The following COPS8 variants were observed in gnomAD, a reference collection of about 807,000 sequenced individuals.
COPS8 encodes COP9 signalosome complex subunit 8.
In COPS8, 11 loss-of-function variants were observed where a neutral mutation model predicts 31.5. The ratio of observed to expected loss-of-function variants is 0.35; its 90% CI spans 0.22 to 0.58. COPS8 has a LOEUF of 0.58. Ranked by LOEUF, COPS8 falls within the 20% of genes least tolerant of loss-of-function variation. The pLI is 0.83. For missense variants in COPS8, 215 were observed against 255.1 expected (o/e 0.84, Z 1.07); for synonymous variants, 81 against 89.3 (o/e 0.91, Z 0.52).
Position 237,097,801 on chromosome 2 carries a change from A to G in COPS8, c.*59A>G. On this transcript the variant is annotated 3_prime_UTR_variant, in exon 8 of 8. Transcript: ENST00000354371. ...ATCCTGTATACTGACAAACGTAGAA[A>G]TGTAAAGTTTGTATTTTCAATTTAT... 1 of 1,293,626 alleles carries G rather than the reference A, an allele frequency of 7.7e-7. No homozygotes were observed. 80.1% of individuals were successfully genotyped at this position (1,293,626 alleles called of 1,614,324 possible). A position where few individuals can be genotyped will look rare whatever the true frequency, so the allele number is the denominator to read the frequency against.
At chr2:237,092,474 T>C (rs1038564345) in intron 4 of COPS8, among the ~76,000 whole-genome samples, 2 of 152,234 alleles carry the variant, frequency 1.3e-5, no homozygotes, top group Admixed American at 1.3e-4. Context: ...ATATTTGAAC[T>C]GAAGTAAATG....
In COPS8 at chr2:237,094,222, A is replaced by G. The variant is rs545822553; in HGVS notation, c.439+25A>G. The G allele has an allele frequency of 3.9e-5, 62 of 1,603,572 alleles. 2 individuals are homozygous for G. The South Asian group carries it at 6.2e-4, about 16-fold the overall frequency. The stretch of plus-strand genomic sequence containing the variant: ...GGTAATTTTGGCTTACTTTTTACTT[A>G]TAAGGAAAATGGAAAATAGAAGTGT... On this transcript the variant is annotated intron_variant, in intron 5 of 7. Transcript: ENST00000354371.
Position 237,089,945 on chromosome 2 carries a change from C to T in COPS8, c.282C>T (p.Asn94=), listed in dbSNP as rs1416284397. ...TCCCTGGGATCTATACAACCATCAA[C>T]GCTCACCAGTGGTCTGAGACGGTCC... The part of the protein sequence containing the change: ...RDFPGIYTTI[N]AHQWSETVQP... Residue 94 remains asparagine (N), a synonymous_variant, in exon 4 of 8, where the codon AAC becomes AAT. Transcript: ENST00000354371. 5.0e-6 allele frequency: 8 copies of T among 1,613,858 alleles called. No individual in the cohort carries two copies. The highest frequency in any genetic ancestry group is 2.7e-5 in the African/African-American group (2 of 74,898).
In COPS8 at chr2:237,094,081, C is replaced by T; in HGVS notation, c.332-9C>T. 1 of 1,612,214 alleles carries T rather than the reference C, an allele frequency of 6.2e-7. No individual in the cohort carries two copies. Among genetic ancestry groups the T allele is most frequent in the Non-Finnish European group, 8.5e-7 (1 of 1,178,968 alleles). ...TTCACTCTCTGCCAACCCACCACTC[C>T]CACAATAGATGCAACAAGGAGACGC... On this transcript the variant is annotated splice_polypyrimidine_tract_variant and intron_variant, in intron 4 of 7. Transcript: ENST00000354371.
intron 4 of COPS8, chr2:237,093,690 G>C: frequency 1.0e-6 from 1 of 986,328 alleles, no homozygotes; most frequent in Non-Finnish European, 1.2e-6. Context: ...AGACGTTTTT[G>C]AAAAGGACAG....
At chr2:237,090,807 A>C (rs1231339562) in intron 4 of COPS8, among the ~76,000 whole-genome samples, 2 of 152,210 alleles carry the variant, frequency 1.3e-5, no homozygotes, top group African/African-American at 4.8e-5. Context: ...ATAAAACATA[A>C]CAATGTAAGT....
chr2:237,086,421 C>T (rs1363040528), intron 1 of COPS8, among the ~76,000 whole-genome samples: 1 of 151,722 alleles, frequency 6.6e-6, no homozygotes, highest in Non-Finnish European at 1.5e-5. Flanking sequence ...CACACCGCAA[C>T]TCACACGCAC....
intron 5 of COPS8, among the ~76,000 whole-genome samples, chr2:237,094,449 G>C (rs540573708): frequency 7.2e-4 from 109 of 152,130 alleles, no homozygotes; most frequent in African/African-American, 2.3e-3. Flanking sequence ...GTCTTAATTG[G>C]TCTCTTTACT....
At chr2:237,092,772 G>A (rs940144379) in intron 4 of COPS8, among the ~76,000 whole-genome samples, 1 of 152,176 alleles carries the variant, frequency 6.6e-6, no homozygotes, top group African/African-American at 2.4e-5. Context: ...GTCGGGCTCA[G>A]ATGAGGGGAA....
In COPS8 at chr2:237,097,845, C is replaced by T; in HGVS notation, c.*103C>T. ...AATTTATTGGATGGCTTAAGCACCT[C>T]AGCATTCCTTACTATGTGATAAAAT... On this transcript the variant is annotated 3_prime_UTR_variant, in exon 8 of 8. Coordinates refer to ENST00000354371, the MANE Select transcript of COPS8 (RefSeq NM_006710.5). 1 of 741,028 alleles carries T rather than the reference C, an allele frequency of 1.3e-6. No individual in the cohort carries two copies. The highest frequency in any genetic ancestry group is 1.7e-5 in the South Asian group (1 of 58,168). 45.9% of individuals were successfully genotyped at this position (741,028 alleles called of 1,614,324 possible). A position where few individuals can be genotyped will look rare whatever the true frequency, so the allele number is the denominator to read the frequency against.
rs1446592152 is a variant in COPS8 at position 237,100,322 on chromosome 2, C to A, written c.*2580C>A. ...TGTGTACAAGTGTAGCCTGACAGCA[C>A]CCTGTTTCAGATCCATTGGATATCT... On this transcript the variant is annotated 3_prime_UTR_variant, in exon 8 of 8. Transcript: ENST00000354371. 3 of 152,158 alleles carry A rather than the reference C, an allele frequency of 2.0e-5. No individual in the cohort carries two copies. The highest frequency in any genetic ancestry group is 4.4e-5 in the Non-Finnish European group (3 of 68,038). The allele number at this position is 152,158 out of a possible 1,614,324, so 9.4% of individuals were successfully genotyped here. A position where few individuals can be genotyped will look rare whatever the true frequency, so the allele number is the denominator to read the frequency against.
intron 1 of COPS8, among the ~76,000 whole-genome samples, chr2:237,086,422 TCA>T (rs147074514): frequency 0.014 from 2,134 of 152,234 alleles, 44 homozygotes; most frequent in African/African-American, 0.046. Flanking sequence ...ACACCGCAAC[TCA>T]CACGCACACC....
rs368533932 is a variant in COPS8 at position 237,097,682 on chromosome 2, A to G, written c.570A>G (p.Pro190=). The change falls in exon 8 of 8, where the codon CCA becomes CCG. Residue 190 remains proline, a synonymous_variant. Transcript: ENST00000354371. ...IPLSEPAPVP[P]IPNEQQLARL... is the part of the protein sequence containing the mutation. ...ATACAGAGCCTGCTCCAGTTCCCCC[A>G]ATACCCAATGAACAGCAGTTAGCCA... 11 of 1,613,102 alleles carry G rather than the reference A, an allele frequency of 6.8e-6. No individual in the cohort carries two copies. The African/African-American group carries it at 1.2e-4, about 18-fold the overall frequency.
In COPS8 at chr2:237,087,186, C is replaced by T. The variant is rs769248593; in HGVS notation, c.138C>T (p.Leu46=). 2.2e-5 allele frequency: 36 copies of T among 1,607,242 alleles called. No individual in the cohort carries two copies. The highest frequency in any genetic ancestry group is 2.9e-5 in the Non-Finnish European group (34 of 1,177,056). Residue 46 remains leucine (L), a synonymous_variant, in exon 2 of 8, where the codon CTC becomes CTT. Coordinates refer to ENST00000354371, the MANE Select transcript of COPS8 (RefSeq NM_006710.5). ...VYGQLLALYL[L]HNDMNNARYL... is the part of the protein sequence containing the mutation. The stretch of plus-strand genomic sequence containing the variant: ...GTCAGCTTCTAGCTTTATATTTGCT[C>T]CATAATGACATGTAAGTATGTTTAA...
At chr2:237,091,218 C>T (rs1696701072) in intron 4 of COPS8, among the ~76,000 whole-genome samples, 2 of 152,144 alleles carry the variant, frequency 1.3e-5, no homozygotes, top group Non-Finnish European at 2.9e-5. Flanking sequence ...TCCTGGCAAG[C>T]AGTTCAGTAG....
At position 237,095,875 on chromosome 2, in the gene COPS8, A is replaced by G; in HGVS notation, c.493A>G (p.Arg165Gly). Reference sequence around the variant, plus strand: ...TTCCACCACAAGAATGGTTCTGCCCAGAAAGCCAGGTAGGTGGAGCTTTCA... The same window carrying G: ...TTCCACCACAAGAATGGTTCTGCCCGGAAAGCCAGGTAGGTGGAGCTTTCA... ...ADSTTRMVLP[R>G]KPVAGALDVS... Residue 165 changes from arginine to glycine, a missense_variant, in exon 6 of 8, where the codon AGA (arginine) becomes GGA (glycine). Coordinates refer to ENST00000354371, the MANE Select transcript of COPS8 (RefSeq NM_006710.5). 2 of 1,612,754 alleles carry G rather than the reference A, an allele frequency of 1.2e-6. No homozygotes were observed. Among genetic ancestry groups the G allele is most frequent in the Non-Finnish European group, 8.5e-7 (1 of 1,178,746 alleles).
At position 237,097,767 on chromosome 2, in the gene COPS8, A is replaced by G. The variant is rs2106347988; in HGVS notation, c.*25A>G. The G allele has an allele frequency of 6.5e-7, 1 of 1,535,756 alleles. No homozygotes were observed. Among genetic ancestry groups the G allele is most frequent in the Non-Finnish European group, 9.0e-7 (1 of 1,110,890 alleles). On this transcript the variant is annotated 3_prime_UTR_variant, in exon 8 of 8. Coordinates refer to ENST00000354371, the MANE Select transcript of COPS8 (RefSeq NM_006710.5). ...ATTTATCACTCTGAGTTCAAGATTC[A>G]TCTTCAGAATCCTGTATACTGACAA...
At chr2:237,089,599 A>G (rs1696672842) in intron 3 of COPS8, among the ~76,000 whole-genome samples, 2 of 152,304 alleles carry the variant, frequency 1.3e-5, no homozygotes, top group Middle Eastern at 3.4e-3. Context: ...TTTTTTGACT[A>G]CTTTCTCATG....
At chr2:237,092,956 C>T (rs1553584504) in intron 4 of COPS8, among the ~76,000 whole-genome samples, 2 of 151,984 alleles carry the variant, frequency 1.3e-5, no homozygotes, top group Non-Finnish European at 2.9e-5. Context: ...CCCTTCCTGT[C>T]GAGAAGTTTG....
Sources: allele counts gnomAD v4.1 joint callset (sites outside exome capture counted in the v4.1 genomes callset), GRCh38; gene constraint gnomAD v4.1.1; transcripts MANE v1.5; gene names NCBI Gene and HGNC (gene_info 2026-07-23, HGNC 2026-07-21).